HPSE2: variants seen among roughly 807,000 people sequenced by gnomAD.
HPSE2 encodes the protein heparanase 2 (inactive), also known as inactive heparanase-2.
In HPSE2, 38 loss-of-function variants were observed where a neutral mutation model predicts 60.5. The observed-to-expected ratio is 0.63, with a 90% CI of 0.48 to 0.82. The LOEUF (loss-of-function observed/expected upper bound fraction) is 0.82, where lower values mean the gene tolerates loss of function less well. HPSE2 is among the 40% of genes least tolerant of loss of function. The probability of loss-of-function intolerance (pLI) is 0.00; values close to 1 mark genes in which losing one functional copy is unlikely to be tolerated. For missense variants in HPSE2, 713 were observed against 740.4 expected, an observed-to-expected ratio of 0.96 and a Z score of 0.43; for synonymous variants, 295 against 293.2, an observed-to-expected ratio of 1.01 and a Z score of -0.06.
chr10:98,781,597 AG>A (rs1950471757), intron 3 of HPSE2, among the ~76,000 whole-genome samples: 1 of 152,240 alleles, frequency 6.6e-6, no homozygotes. Flanking sequence ...AAAAATCCCA[AG>A]AAACATATAA....
At chr10:98,895,857 T>C (rs1306721447) in intron 3 of HPSE2, among the ~76,000 whole-genome samples, 1 of 144,554 alleles carries the variant, frequency 6.9e-6, no homozygotes, top group Non-Finnish European at 1.5e-5. Context: ...ACACTGCATG[T>C]TCTCACTCAT....
chr10:98,642,012 A>G (rs1946651796), intron 6 of HPSE2, 72 bp from the exon 7 acceptor site: 2 of 1,318,430 alleles, frequency 1.5e-6, no homozygotes, highest in African/African-American at 1.4e-5. Context: ...CTCTAGCCCA[A>G]GGTCTCTGTT....
At chr10:99,309,819 T>C in the HPSE2 span, among the ~76,000 whole-genome samples, 5 of 152,248 alleles carry the variant, frequency 3.3e-5, no homozygotes, top group Non-Finnish European at 7.3e-5. Context: ...TCTGGAAAAC[T>C]ATATGGCAGT....
At chr10:99,050,270 C>T (rs1957960012) in intron 3 of HPSE2, among the ~76,000 whole-genome samples, 1 of 150,342 alleles carries the variant, frequency 6.7e-6, no homozygotes, top group Non-Finnish European at 1.5e-5. Flanking sequence ...CCACTGGACT[C>T]AAGCCTAGAC....
chr10:98,658,039 G>T (rs189502548), intron 6 of HPSE2, among the ~76,000 whole-genome samples: 2 of 152,168 alleles, frequency 1.3e-5, no homozygotes, highest in Admixed American at 1.3e-4. Flanking sequence ...GAAGAAGAAA[G>T]TCTGGGACTT....
the HPSE2 span, among the ~76,000 whole-genome samples, chr10:99,285,487 G>T: frequency 1.5e-5 from 2 of 130,878 alleles, no homozygotes; most frequent in Non-Finnish European, 3.3e-5. Context: ...AGGGAGGGAG[G>T]GAGGGAGGGA....
intron 3 of HPSE2, among the ~76,000 whole-genome samples, chr10:98,849,920 T>A (rs530001362): frequency 2.6e-4 from 39 of 152,244 alleles, no homozygotes; most frequent in Non-Finnish European, 4.4e-4. Context: ...AATTTTGTAT[T>A]TTTAGTAGAG....
chr10:98,946,947 T>C (rs1022733546), intron 3 of HPSE2, among the ~76,000 whole-genome samples: 1 of 151,764 alleles, frequency 6.6e-6, no homozygotes, highest in Non-Finnish European at 1.5e-5. Flanking sequence ...GCACTTGGAG[T>C]TCTCACTTAT....
At chr10:98,469,749 G>C (rs1998757) in intron 11 of HPSE2, among the ~76,000 whole-genome samples, 36,913 of 152,090 alleles carry the variant, frequency 0.24, 4,930 homozygotes, top group African/African-American at 0.35. Context: ...AACAAAATGA[G>C]CCTTGAACTT....
At chr10:98,984,721 G>A (rs1055232993) in intron 3 of HPSE2, among the ~76,000 whole-genome samples, 3 of 152,148 alleles carry the variant, frequency 2.0e-5, no homozygotes, top group Non-Finnish European at 2.9e-5. Flanking sequence ...TCGAACCCAT[G>A]GCAAAGAAGT....
chr10:98,620,517 A>T, intron 8 of HPSE2, 85 bp downstream of exon 8: 1 of 953,860 alleles, frequency 1.0e-6, no homozygotes, highest in Non-Finnish European at 1.7e-6. Flanking sequence ...CACCCCTAGG[A>T]TGGGCAGAAT....
intron 2 of HPSE2, among the ~76,000 whole-genome samples, chr10:99,170,835 C>G (rs560792714): frequency 3.7e-4 from 56 of 152,302 alleles, no homozygotes; most frequent in Non-Finnish European, 3.1e-4. Flanking sequence ...GTTGATTCAA[C>G]CAACCACTGA....
chr10:99,104,767 A>G (rs893928455), intron 3 of HPSE2, among the ~76,000 whole-genome samples: 4 of 152,202 alleles, frequency 2.6e-5, no homozygotes, highest in Admixed American at 1.3e-4. Flanking sequence ...TTGTAAGGAC[A>G]TGGCTGAAGG....
intron 3 of HPSE2, among the ~76,000 whole-genome samples, chr10:98,749,230 G>C (rs1329877977): frequency 6.6e-6 from 1 of 151,922 alleles, no homozygotes; most frequent in Non-Finnish European, 1.5e-5. Context: ...AAACCAAACA[G>C]ACAAGCAATC....
intron 11 of HPSE2, among the ~76,000 whole-genome samples, chr10:98,477,199 T>C (rs944287110): frequency 7.9e-5 from 12 of 152,218 alleles, no homozygotes; most frequent in African/African-American, 2.7e-4. Context: ...ATATGCTTCA[T>C]GGTTCTGTCA....
At chr10:98,772,290 TAAC>T (rs1950257345) in intron 3 of HPSE2, among the ~76,000 whole-genome samples, 2 of 152,074 alleles carry the variant, frequency 1.3e-5, no homozygotes, top group South Asian at 4.1e-4. Context: ...GAGTGTTAGT[TAAC>T]AACTGTAATC....
chr10:98,751,540 G>T (rs1949758623), intron 3 of HPSE2, among the ~76,000 whole-genome samples: 1 of 151,922 alleles, frequency 6.6e-6, no homozygotes, highest in African/African-American at 2.4e-5. Flanking sequence ...TAAGAACTTG[G>T]GCACATGATC....
chr10:98,709,319 T>TA (rs1321179731), intron 5 of HPSE2, among the ~76,000 whole-genome samples: 5 of 152,242 alleles, frequency 3.3e-5, no homozygotes, highest in African/African-American at 1.2e-4. Flanking sequence ...AAGGACTTTC[T>TA]ACCATTCACT....
At chr10:99,076,731 A>T (rs949770618) in intron 3 of HPSE2, among the ~76,000 whole-genome samples, 2 of 152,168 alleles carry the variant, frequency 1.3e-5, no homozygotes, top group Non-Finnish European at 2.9e-5. Context: ...ACTAGAGTTA[A>T]AAGTGACTTA....
Sources: gnomAD v4.1 joint callset for allele counts (sites outside exome capture counted in the v4.1 genomes callset) on GRCh38, gnomAD v4.1.1 for gene constraint, MANE v1.5 for transcripts, NCBI Gene and HGNC (gene_info 2026-07-23, HGNC 2026-07-21) for gene names.